The following GLMN variants were observed in gnomAD, a reference collection of about 807,000 sequenced individuals.
GLMN encodes the protein glomulin.
In GLMN, 75 loss-of-function variants were observed where a neutral mutation model predicts 87.8. That is an observed-to-expected ratio of 0.85 (90% CI 0.71 to 1.04). The LOEUF is 1.04. Ranked by LOEUF, GLMN falls within the 50% of genes least tolerant of loss-of-function variation. GLMN has a pLI of 0.00. For missense variants in GLMN, 588 were observed against 658.8 expected (o/e 0.89, Z 1.18); for synonymous variants, 206 against 221.6 (o/e 0.93, Z 0.63).
the GLMN span, among the ~76,000 whole-genome samples, chr1:92,321,926 G>A: frequency 1.0e-4 from 14 of 138,378 alleles, no homozygotes; most frequent in Admixed American, 2.2e-4. Flanking sequence ...TTAAGAAACC[G>A]ATAATGAAAT....
At chr1:92,305,432 CAAAAAAAAAA>C in the GLMN span, among the ~76,000 whole-genome samples, 2 of 52,690 alleles carry the variant, frequency 3.8e-5, no homozygotes, top group East Asian at 1.4e-3. Flanking sequence ...GGCTCCGTCT[CAAAAAAAAAA>C]AAAAAAAAAG....
At chr1:92,364,847 T>A in the GLMN span, among the ~76,000 whole-genome samples, 1 of 152,142 alleles carries the variant, frequency 6.6e-6, no homozygotes, top group East Asian at 1.9e-4. Flanking sequence ...AAAAATCATC[T>A]CACTGAAGCT....
the GLMN span, among the ~76,000 whole-genome samples, chr1:92,308,595 A>C: frequency 6.6e-6 from 1 of 152,138 alleles, no homozygotes; most frequent in African/African-American, 2.4e-5. Context: ...AAAACCATTT[A>C]CCAAATTACC....
At chr1:92,332,947 A>G in the GLMN span, among the ~76,000 whole-genome samples, 1 of 152,102 alleles carries the variant, frequency 6.6e-6, no homozygotes, top group African/African-American at 2.4e-5. Context: ...AACTTTTTTC[A>G]GTTCTCAGAG....
intron 16 of GLMN, among the ~76,000 whole-genome samples, chr1:92,250,948 C>T (rs1653402203): frequency 6.6e-6 from 1 of 152,102 alleles, no homozygotes; most frequent in South Asian, 2.1e-4. Flanking sequence ...AAAGATATTC[C>T]CATGACCCAG....
At chr1:92,257,886 T>C (rs1385696546) in intron 16 of GLMN, among the ~76,000 whole-genome samples, 2 of 151,996 alleles carry the variant, frequency 1.3e-5, no homozygotes, top group East Asian at 1.9e-4. Context: ...CCAAAAGAAA[T>C]GGCAACAAAA....
intron 7 of GLMN, among the ~76,000 whole-genome samples, chr1:92,281,796 CAAA>C (rs551428143): frequency 8.0e-6 from 1 of 124,486 alleles, no homozygotes; most frequent in Non-Finnish European, 1.7e-5. Context: ...AAATGGAAAG[CAAA>C]AAAAAAAAAG....
the GLMN span, among the ~76,000 whole-genome samples, chr1:92,370,440 T>C: frequency 2.6e-5 from 4 of 152,068 alleles, no homozygotes; most frequent in African/African-American, 9.7e-5. Context: ...AAGGAATAAC[T>C]TCAAGAGCTT....
At chr1:92,328,609 T>C in the GLMN span, among the ~76,000 whole-genome samples, 1 of 152,254 alleles carries the variant, frequency 6.6e-6, no homozygotes, top group Non-Finnish European at 1.5e-5. Context: ...GCCTCCTTGA[T>C]TAGCTTAATA....
intron 16 of GLMN, among the ~76,000 whole-genome samples, chr1:92,261,666 C>T (rs1655057788): frequency 6.6e-6 from 1 of 152,136 alleles, no homozygotes; most frequent in East Asian, 1.9e-4. Flanking sequence ...AGTGAATATA[C>T]ACTTAAAATT....
At chr1:92,318,199 C>A in the GLMN span, among the ~76,000 whole-genome samples, 3 of 152,188 alleles carry the variant, frequency 2.0e-5, no homozygotes, top group Non-Finnish European at 4.4e-5. Flanking sequence ...TCCAGTCATA[C>A]TTTTTTTCTA....
intron 3 of GLMN, among the ~76,000 whole-genome samples, chr1:92,292,738 T>C (rs891155050): frequency 3.4e-5 from 5 of 148,280 alleles, no homozygotes; most frequent in Admixed American, 6.7e-5. Context: ...TTTTCTTTTT[T>C]TTTTTTTTTT....
At chr1:92,282,848 C>A (rs1263934311) in intron 7 of GLMN, among the ~76,000 whole-genome samples, 2 of 152,128 alleles carry the variant, frequency 1.3e-5, no homozygotes, top group African/African-American at 2.4e-5. Context: ...AGTATAAACA[C>A]CTCTATGCAA....
chr1:92,280,328 G>C (rs933131639), intron 7 of GLMN, among the ~76,000 whole-genome samples: 1 of 152,128 alleles, frequency 6.6e-6, no homozygotes, highest in Non-Finnish European at 1.5e-5. Context: ...ATGCAAACAG[G>C]GTCTGGAGTG....
At position 92,271,637 on chromosome 1, in the gene GLMN, T is replaced by G; in HGVS notation, c.751A>C (p.Ile251Leu). ...ASEIIGFLSA[I>L]GHPFPKMIFN... ...ATCATTTTGGGGAAAGGGTGTCCAATTGCTGATAAAAAACCCTATGAAATG... is the reference window on the plus strand; with the variant it reads ...ATCATTTTGGGGAAAGGGTGTCCAAGTGCTGATAAAAAACCCTATGAAATG... The change falls in exon 8 of 19, where the codon ATT becomes CTT. Residue 251 changes from isoleucine (I) to leucine (L), a missense_variant. By Grantham distance (5) the Ile-to-Leu change is conservative. Transcript: ENST00000370360. 3 of 1,611,882 alleles carry G rather than the reference T, an allele frequency of 1.9e-6. No individual in the cohort carries two copies. Among genetic ancestry groups the G allele is most frequent in the Middle Eastern group, 1.7e-4 (1 of 6,054 alleles).
chr1:92,348,777 T>A, the GLMN span, among the ~76,000 whole-genome samples: 1 of 152,200 alleles, frequency 6.6e-6, no homozygotes, highest in East Asian at 1.9e-4. Flanking sequence ...TAAAACTCCA[T>A]TGACTTCTAT....
chr1:92,286,369 T>C (rs368246675), intron 7 of GLMN, 121 bp downstream of exon 7: 9 of 539,008 alleles, frequency 1.7e-5, no homozygotes, highest in African/African-American at 1.3e-4. Flanking sequence ...CTTTTGTTTA[T>C]GTGTGTTCTA....
chr1:92,248,050 C>G, intron 16 of GLMN, 61 bp from the exon 17 acceptor site: 2 of 786,102 alleles, frequency 2.5e-6, no homozygotes, highest in Non-Finnish European at 4.6e-6. Flanking sequence ...TACTATTAAA[C>G]GCGATAAAAG....
At chr1:92,251,785 T>G (rs553452564) in intron 16 of GLMN, among the ~76,000 whole-genome samples, 220 of 134,570 alleles carry the variant, frequency 1.6e-3, no homozygotes, top group African/African-American at 6.1e-3. Flanking sequence ...TTAAATCTGA[T>G]TCCCAAAACT....
Sources: allele counts gnomAD v4.1 joint callset (sites outside exome capture counted in the v4.1 genomes callset), GRCh38; gene constraint gnomAD v4.1.1; transcripts MANE v1.5; gene names NCBI Gene and HGNC (gene_info 2026-07-23, HGNC 2026-07-21).